Variants in TRPC1 observed in about 807,000 individuals in gnomAD.
TRPC1 encodes short transient receptor potential channel 1.
TRPC1 carries 42 observed loss-of-function variants against 88.2 expected under a neutral mutation model. That is an observed-to-expected ratio of 0.48 (90% CI 0.37 to 0.62). The LOEUF is 0.62. Among genes scored for constraint, TRPC1 ranks in the 20% least tolerant of loss-of-function variants. The pLI, the probability that TRPC1 is intolerant of heterozygous loss-of-function variation, is 0.00. For missense variants in TRPC1, 699 were observed against 957.3 expected, an observed-to-expected ratio of 0.73 and a Z score of 3.56; for synonymous variants, 288 against 331.8, an observed-to-expected ratio of 0.87 and a Z score of 1.43.
chr3:142,773,469 A>T (rs1384446746), intron 4 of TRPC1, among the ~76,000 whole-genome samples: 2 of 151,960 alleles, frequency 1.3e-5, no homozygotes, highest in East Asian at 3.9e-4. Flanking sequence ...GGACAATGTC[A>T]TGTCAAATAG....
At chr3:142,728,433 C>T (rs559735221) in intron 1 of TRPC1, among the ~76,000 whole-genome samples, 30 of 151,870 alleles carry the variant, frequency 2.0e-4, no homozygotes, top group Non-Finnish European at 2.5e-4. Context: ...CGGCCTCAGC[C>T]TCAGCCTCCT....
At chr3:142,786,248 G>A (rs976487544) in intron 7 of TRPC1, among the ~76,000 whole-genome samples, 5 of 152,074 alleles carry the variant, frequency 3.3e-5, no homozygotes, top group Admixed American at 6.6e-5. Context: ...ACAAAGTACT[G>A]AGTGTATTTA....
At chr3:142,786,121 A>G (rs1936126724) in intron 7 of TRPC1, among the ~76,000 whole-genome samples, 1 of 151,910 alleles carries the variant, frequency 6.6e-6, no homozygotes, top group Non-Finnish European at 1.5e-5. Flanking sequence ...TTTTAAAGAT[A>G]TTTTCTTTAT....
At chr3:142,800,958 A>G (rs192499105) in intron 9 of TRPC1, among the ~76,000 whole-genome samples, 42 of 152,108 alleles carry the variant, frequency 2.8e-4, no homozygotes, top group Non-Finnish European at 4.7e-4. Flanking sequence ...ATACCCTTAG[A>G]TATATGCCCT....
intron 5 of TRPC1, 44 bp downstream of exon 5, chr3:142,777,807 T>C: frequency 1.9e-6 from 3 of 1,557,838 alleles, no homozygotes; most frequent in Non-Finnish European, 2.6e-6. Flanking sequence ...GTTTTAAATC[T>C]TCAACCTCAG....
chr3:142,771,310 A>C (rs1341915420), intron 4 of TRPC1, among the ~76,000 whole-genome samples: 2 of 152,098 alleles, frequency 1.3e-5, no homozygotes, highest in African/African-American at 4.8e-5. Context: ...TGTCATATAT[A>C]TTGTAACTTG....
Position 142,763,786 on chromosome 3 carries a change from T to C in TRPC1, c.633-13846T>C, listed in dbSNP as rs528401933. On this transcript the variant is annotated intron_variant, in intron 4 of 12. Transcript: ENST00000476941. ...GTTTCTTATTGTCTTCCTTTGTAGT[T>C]AAGTGATTATCTCTGGTAGTATATT... Among the ~76,000 whole-genome samples the C allele has an allele frequency of 1.0e-3, 152 of 151,656 alleles. 1 individual carries two copies. Among genetic ancestry groups the C allele is most frequent in the Middle Eastern group, 6.8e-3 (2 of 294 alleles).
rs371621317 is a variant in TRPC1, at chr3:142,729,127, T to A, written c.172+4396T>A. Among the ~76,000 whole-genome samples the A allele has an allele frequency of 2.0e-5, 3 of 152,348 alleles. No individual in the cohort carries two copies. In the East Asian group the frequency reaches 5.8e-4, roughly 29 times the overall value. On this transcript the variant is annotated intron_variant, in intron 1 of 12. Coordinates refer to ENST00000476941, the MANE Select transcript of TRPC1 (RefSeq NM_001251845.2). ...CATGGCGAACGGTTCAGGGATACTT[T>A]AACAACAGCAACGAAAGACTCAAAT...
chr3:142,761,375 T>C (rs1935179213), intron 4 of TRPC1, among the ~76,000 whole-genome samples: 1 of 152,220 alleles, frequency 6.6e-6, no homozygotes, highest in African/African-American at 2.4e-5. Flanking sequence ...ATCATGTCTA[T>C]TGATACATAT....
intron 1 of TRPC1, among the ~76,000 whole-genome samples, chr3:142,735,873 A>T (rs544129138): frequency 6.6e-6 from 1 of 152,230 alleles, no homozygotes; most frequent in South Asian, 2.1e-4. Context: ...ATATGTATTT[A>T]TACTGCTTTT....
chr3:142,724,409 G>C lies in TRPC1; in HGVS notation c.-151G>C. The C allele has an allele frequency of 7.7e-6, 5 of 647,354 alleles. No homozygotes were observed. Among genetic ancestry groups the C allele is most frequent in the Non-Finnish European group, 1.2e-5 (5 of 419,772 alleles). 40.1% of individuals were successfully genotyped at this position (647,354 alleles called of 1,614,324 possible). A position where few individuals can be genotyped will look rare whatever the true frequency, so the allele number is the denominator to read the frequency against. On this transcript the variant is annotated 5_prime_UTR_variant, in exon 1 of 13. Transcript: ENST00000476941. This position sits in a 1 kb window ranked among gnomAD's most constrained non-coding sequence, Gnocchi z 5.6. ...AGTGCTGGTTCTCAGGGGAGGCGAC[G>C]CCCTTCGGGGCCAACGGGCCTCGAG...
At chr3:142,760,219 T>G (rs1477283003) in intron 4 of TRPC1, among the ~76,000 whole-genome samples, 5 of 152,204 alleles carry the variant, frequency 3.3e-5, no homozygotes, top group African/African-American at 1.2e-4. Context: ...AGGTTGTATA[T>G]TTAAGTTTTT....
rs1936733479 is a variant in TRPC1 at position 142,804,747 on chromosome 3, TC to T, written c.2154+118del. The T allele has an allele frequency of 9.3e-6, 8 of 863,952 alleles. No individual in the cohort carries two copies. In the Admixed American group the frequency reaches 2.3e-4, roughly 25 times the overall value. 53.5% of individuals were successfully genotyped at this position (863,952 alleles called of 1,614,324 possible). A position where few individuals can be genotyped will look rare whatever the true frequency, so the allele number is the denominator to read the frequency against. ...AGGGCTGTGACTGTCTGACTTTTTT[TC>T]ACTGCTATATACCCTAATGTACGGC... On this transcript the variant is annotated intron_variant, in intron 12 of 12. Coordinates refer to ENST00000476941, the MANE Select transcript of TRPC1 (RefSeq NM_001251845.2).
chr3:142,786,374 T>A (rs114793401), intron 7 of TRPC1, among the ~76,000 whole-genome samples: 1,938 of 152,278 alleles, frequency 0.013, 12 homozygotes, highest in Middle Eastern at 0.02. Context: ...TTTAGAATGT[T>A]TATTTGAAAA....
chr3:142,804,677 C>T, intron 12 of TRPC1, 47 bp downstream of exon 12: 1 of 1,519,958 alleles, frequency 6.6e-7, no homozygotes, highest in Non-Finnish European at 8.9e-7. Flanking sequence ...TTTAACAATT[C>T]CTAATCTCAG....
intron 12 of TRPC1, among the ~76,000 whole-genome samples, chr3:142,805,127 T>TACACACAC (rs1205288304): frequency 2.5e-5 from 3 of 120,394 alleles, no homozygotes; most frequent in Non-Finnish European, 3.6e-5. Flanking sequence ...CAAATATATA[T>TACACACAC]ATACACACAC....
chr3:142,735,506 A>G (rs555895191), intron 1 of TRPC1, among the ~76,000 whole-genome samples: 57 of 152,248 alleles, frequency 3.7e-4, no homozygotes, highest in African/African-American at 1.3e-3. Flanking sequence ...TTTTTTCTCT[A>G]TTTAATTAGC....
At chr3:142,728,911 T>C (rs1933789997) in intron 1 of TRPC1, among the ~76,000 whole-genome samples, 5 of 152,012 alleles carry the variant, frequency 3.3e-5, no homozygotes, top group Non-Finnish European at 2.9e-5. Context: ...ATGTTGACAA[T>C]GGGGCACCTA....
chr3:142,788,780 A>G (rs564152707), intron 7 of TRPC1, among the ~76,000 whole-genome samples: 5 of 152,068 alleles, frequency 3.3e-5, no homozygotes, highest in African/African-American at 7.2e-5. Flanking sequence ...AAAATATAGA[A>G]TGTTGGTTAT....
Sources: allele counts gnomAD v4.1 joint callset (sites outside exome capture counted in the v4.1 genomes callset), GRCh38; gene constraint gnomAD v4.1.1; non-coding constraint Gnocchi (gnomAD v3.1); transcripts MANE v1.5; gene names NCBI Gene and HGNC (gene_info 2026-07-23, HGNC 2026-07-21).